The following ZNF674 variants were observed in gnomAD, a reference collection of about 807,000 sequenced individuals.
ZNF674 encodes zinc finger family member 674.
A neutral mutation model predicts 7.0 loss-of-function variants in ZNF674; 2 were observed. The observed-to-expected ratio is 0.29, with a 90% confidence interval of 0.12 to 0.90. The LOEUF is 0.90. Ranked by LOEUF, ZNF674 falls within the 40% of genes least tolerant of loss-of-function variation. The pLI, the probability that ZNF674 is intolerant of heterozygous loss-of-function variation, is 0.57. For synonymous variants in ZNF674, 103 were observed against 145.2 expected, an observed-to-expected ratio of 0.71 and a Z score of 2.09; for missense variants, 297 against 415.5, an observed-to-expected ratio of 0.71 and a Z score of 2.48.
intron 5 of ZNF674, among the ~76,000 whole-genome samples, chrX:46,517,391 GAGA>G (rs889528203): frequency 1.8e-4 from 20 of 110,960 alleles, no homozygotes; most frequent in African/African-American, 4.6e-4. Flanking sequence ...CTCAAAGAAG[GAGA>G]AGAAGAGACT....
At chrX:46,516,197 G>A (rs1941761598) in intron 5 of ZNF674, among the ~76,000 whole-genome samples, 1 of 111,829 alleles carries the variant, frequency 8.9e-6, no homozygotes, top group Admixed American at 9.6e-5. Flanking sequence ...CTCTCCTACT[G>A]ATTATTGCAA....
At chrX:46,528,228 G>T (rs377542045) in intron 5 of ZNF674, 122 bp downstream of exon 5, 99 of 693,957 alleles carry the variant, frequency 1.4e-4, no homozygotes, top group Non-Finnish European at 2.2e-4. Flanking sequence ...GCTCATCAGA[G>T]CCTAGGCATG....
At position 46,517,116 on chromosome X, in the gene ZNF674, A is replaced by G. The variant is rs1046821358; in HGVS notation, c.238+11234T>C. Among the ~76,000 whole-genome samples the G allele has an allele frequency of 3.6e-5, 4 of 111,788 alleles. No homozygotes were observed. In the Admixed American group the frequency reaches 3.8e-4, roughly 11 times the overall value. On this transcript the variant is annotated intron_variant, in intron 5 of 5. Transcript: ENST00000683375. Reference sequence around the variant, plus strand: ...AAAACCAATCACAAAGATGTGACCAATTCTCCAGGGAAAAAGACAATAACA... The same window carrying G: ...AAAACCAATCACAAAGATGTGACCAGTTCTCCAGGGAAAAAGACAATAACA...
At chrX:46,511,379 T>C (rs1223407132) in intron 5 of ZNF674, among the ~76,000 whole-genome samples, 1 of 111,883 alleles carries the variant, frequency 8.9e-6, no homozygotes, top group African/African-American at 3.2e-5. Flanking sequence ...AATTAGAAGA[T>C]GTGATAGGAA....
At chrX:46,535,250 G>A (rs988196329) in intron 3 of ZNF674, among the ~76,000 whole-genome samples, 2 of 110,747 alleles carry the variant, frequency 1.8e-5, no homozygotes, top group Admixed American at 9.7e-5. Flanking sequence ...GGGCTCAAGC[G>A]ATCCTCCCAC....
At chrX:46,514,787 A>G (rs1302485971) in intron 5 of ZNF674, among the ~76,000 whole-genome samples, 1 of 111,978 alleles carries the variant, frequency 8.9e-6, no homozygotes, top group Non-Finnish European at 1.9e-5. Context: ...CTAGGTGTTG[A>G]GTGGGGGAGA....
intron 3 of ZNF674, among the ~76,000 whole-genome samples, chrX:46,533,373 C>A (rs897394979): frequency 9.0e-6 from 1 of 111,025 alleles, no homozygotes; most frequent in African/African-American, 3.3e-5. Flanking sequence ...CATGGCCAGA[C>A]TTACATCAAT....
intron 3 of ZNF674, among the ~76,000 whole-genome samples, chrX:46,538,815 C>G (rs781722962): frequency 9.1e-6 from 1 of 110,241 alleles, no homozygotes; most frequent in Admixed American, 9.8e-5. Context: ...CTGCTTGAGC[C>G]TGGGAGGTTG....
rs61702218 is a variant in ZNF674, at chrX:46,519,210, T to TTAGATAGATAGA, written c.238+9128_238+9139dup. On this transcript the variant is annotated intron_variant, in intron 5 of 5. Coordinates refer to ENST00000683375, the MANE Select transcript of ZNF674 (RefSeq NM_001190417.2). ...AGAGCGAGACACCATCTCAGATAGA[T>TTAGATAGATAGA]TAGATAGATAGATAGATAGATAGAT... is the stretch of plus-strand genomic sequence containing the variant. Among the ~76,000 whole-genome samples, 203 of 74,346 alleles carry TTAGATAGATAGA rather than the reference T, an allele frequency of 2.7e-3. 2 individuals carry two copies. Among genetic ancestry groups the TTAGATAGATAGA allele is most frequent in the East Asian group, 7.7e-3 (18 of 2,332 alleles). The allele number at this position is 74,346 out of a possible 115,157, so 64.6% of individuals were successfully genotyped here.
intron 5 of ZNF674, among the ~76,000 whole-genome samples, chrX:46,522,289 T>C (rs774336431): frequency 2.7e-5 from 3 of 109,699 alleles, no homozygotes; most frequent in Non-Finnish European, 3.8e-5. Flanking sequence ...ACAGCAAATG[T>C]TCCTAGCAAA....
chrX:46,536,871 A>T (rs1942208881), intron 3 of ZNF674, among the ~76,000 whole-genome samples: 1 of 112,795 alleles, frequency 8.9e-6, no homozygotes. Flanking sequence ...GACATTGCTT[A>T]TGAGAAAAAT....
chrX:46,544,808 G>A (rs190289774), intron 1 of ZNF674, among the ~76,000 whole-genome samples, 197 bp from the exon 2 acceptor site: 93 of 111,654 alleles, frequency 8.3e-4, no homozygotes, highest in Non-Finnish European at 3.8e-4. Flanking sequence ...TCCGGGCTTT[G>A]GAATCAACTG....
chrX:46,527,079 C>A (rs190208313), intron 5 of ZNF674, among the ~76,000 whole-genome samples: 1 of 111,111 alleles, frequency 9.0e-6, no homozygotes, highest in Non-Finnish European at 1.9e-5. Flanking sequence ...GCCTGGCCAA[C>A]ATGGCAAAAC....
chrX:46,527,985 T>C, intron 5 of ZNF674: 1 of 260,550 alleles, frequency 3.8e-6, no homozygotes, highest in Non-Finnish European at 6.8e-6. Context: ...TCTAGTCTGG[T>C]AAAAATACAT....
At chrX:46,533,101 A>G (rs969965486) in intron 3 of ZNF674, among the ~76,000 whole-genome samples, 1 of 111,528 alleles carries the variant, frequency 9.0e-6, no homozygotes, top group African/African-American at 3.3e-5. Flanking sequence ...ATTATTCCGG[A>G]GGTCACAAGA....
intron 5 of ZNF674, among the ~76,000 whole-genome samples, chrX:46,519,963 G>A (rs1031128119): frequency 8.9e-6 from 1 of 112,162 alleles, no homozygotes; most frequent in Non-Finnish European, 1.9e-5. Flanking sequence ...TATGCTGAGT[G>A]AAAAAGAACT....
intron 3 of ZNF674, among the ~76,000 whole-genome samples, chrX:46,541,122 G>A (rs908109920): frequency 9.3e-6 from 1 of 107,564 alleles, no homozygotes; most frequent in Non-Finnish European, 1.9e-5. Context: ...AGCACTTTGG[G>A]AGGCTGAGGT....
At chrX:46,501,639 T>C (rs1941431502) in intron 5 of ZNF674, among the ~76,000 whole-genome samples, 1 of 104,825 alleles carries the variant, frequency 9.5e-6, no homozygotes. Context: ...CTTATATATA[T>C]ATATACATAT....
At chrX:46,517,870 A>T (rs1323935324) in intron 5 of ZNF674, 1 of 111,355 alleles carries the variant, frequency 9.0e-6, no homozygotes. Context: ...CATTTTTTTT[A>T]TAACACAAAG....
Sources: allele counts gnomAD v4.1 joint callset (sites outside exome capture counted in the v4.1 genomes callset), GRCh38; gene constraint gnomAD v4.1.1; transcripts MANE v1.5; gene names NCBI Gene and HGNC (gene_info 2026-07-23, HGNC 2026-07-21).